FYB1: variants seen among roughly 807,000 people sequenced by gnomAD.
The protein encoded by FYB1 is FYN-binding protein 1.
FYB1 carries 41 observed loss-of-function variants against 94.1 expected under a neutral mutation model. The ratio of observed to expected loss-of-function variants is 0.44; its 90% confidence interval spans 0.34 to 0.57. The LOEUF is 0.57. FYB1 is among the 20% of genes least tolerant of loss of function. The pLI, the probability that FYB1 is intolerant of heterozygous loss-of-function variation, is 0.02. For missense variants in FYB1, 1,050 were observed against 976.8 expected, an observed-to-expected ratio of 1.07 and a Z score of -1.00; for synonymous variants, 367 against 353.2, an observed-to-expected ratio of 1.04 and a Z score of -0.44.
At chr5:39,261,236 A>G (rs142602367) in intron 1 of FYB1, among the ~76,000 whole-genome samples, 86 of 151,646 alleles carry the variant, frequency 5.7e-4, no homozygotes, top group African/African-American at 2.0e-3. Context: ...GCAAACCACC[A>G]TGGCACACAT....
chr5:39,134,264 A>G lies in FYB1; in HGVS notation c.1761T>C (p.Pro587=). The G allele has an allele frequency of 6.2e-7, 1 of 1,610,626 alleles. No individual in the cohort carries two copies. Among genetic ancestry groups the G allele is most frequent in the South Asian group, 1.1e-5 (1 of 90,998 alleles). The change falls in exon 9 of 19, where the codon CCT becomes CCC. Residue 587 remains proline, a synonymous_variant. Coordinates refer to ENST00000512982, the MANE Select transcript of FYB1 (RefSeq NM_001465.6). The part of the protein sequence containing the change: ...KKDSLGAPSR[P]IEDDQEVYDD... ...CATATACTTCTTGGTCATCTTCAAT[A>G]GGTCTTGAAGGGGCACCAAGAGAGT...
intron 1 of FYB1, among the ~76,000 whole-genome samples, chr5:39,230,326 T>G (rs1233917087): frequency 6.6e-6 from 1 of 152,048 alleles, no homozygotes; most frequent in East Asian, 1.9e-4. Context: ...CAAGCTGAAA[T>G]AAGGCCATGA....
intron 1 of FYB1, among the ~76,000 whole-genome samples, chr5:39,206,524 T>A (rs193090951): frequency 7.9e-5 from 12 of 152,314 alleles, no homozygotes; most frequent in Non-Finnish European, 1.3e-4. Context: ...TAAAAAAGGG[T>A]AGGGGTAATA....
At chr5:39,246,482 C>T (rs572696536) in intron 1 of FYB1, among the ~76,000 whole-genome samples, 116 of 152,240 alleles carry the variant, frequency 7.6e-4, no homozygotes, top group Non-Finnish European at 1.5e-3. Flanking sequence ...TAACAGCATC[C>T]TAAATGTTCT....
chr5:39,142,406 T>A (rs1742271902), intron 3 of FYB1, among the ~76,000 whole-genome samples: 1 of 152,170 alleles, frequency 6.6e-6, no homozygotes, highest in African/African-American at 2.4e-5. Flanking sequence ...TCTGCAGTTA[T>A]ACTCATCCTT....
At chr5:39,236,826 G>C (rs1242164835) in intron 1 of FYB1, among the ~76,000 whole-genome samples, 1 of 152,088 alleles carries the variant, frequency 6.6e-6, no homozygotes, top group Non-Finnish European at 1.5e-5. Flanking sequence ...TGCTTGACCT[G>C]AGTTTCAATG....
At chr5:39,161,553 A>T (rs1744246275) in intron 2 of FYB1, among the ~76,000 whole-genome samples, 1 of 151,776 alleles carries the variant, frequency 6.6e-6, no homozygotes, top group African/African-American at 2.4e-5. Flanking sequence ...TAATTTTAAA[A>T]AGATGTTATA....
intron 1 of FYB1, among the ~76,000 whole-genome samples, chr5:39,215,537 T>C (rs1214560800): frequency 6.6e-6 from 1 of 152,154 alleles, no homozygotes; most frequent in Non-Finnish European, 1.5e-5. Context: ...TTGGGGAGAC[T>C]CACCAGCCCA....
intron 1 of FYB1, chr5:39,270,933 T>TGC (rs2111776587): frequency 5.1e-6 from 1 of 195,314 alleles, no homozygotes; most frequent in South Asian, 1.8e-4. Context: ...CATATGTGTG[T>TGC]GTGTGTGTGT....
chr5:39,266,665 G>C lies in FYB1; in HGVS notation c.-28+7738C>G, dbSNP rs1752448763. On this transcript the variant is annotated intron_variant, in intron 1 of 1. Coordinates refer to the FYB1 transcript ENST00000510188. ...TGACACAGCAGATGAGCTTGGGGTG[G>C]AGAAGGGAGTTATGTAGTCATTAAG... 2.0e-5 allele frequency among the ~76,000 whole-genome samples: 3 copies of C among 152,170 alleles called. No homozygotes were observed. In the South Asian group the frequency reaches 6.2e-4, roughly 32 times the overall value.
intron 4 of FYB1, chr5:39,140,164 A>C (rs1004971520): frequency 6.6e-6 from 1 of 152,250 alleles, no homozygotes; most frequent in Non-Finnish European, 1.5e-5. Flanking sequence ...ATTTACATTC[A>C]ATGAAGGACA....
At chr5:39,152,086 T>A (rs62358706) in intron 3 of FYB1, among the ~76,000 whole-genome samples, 13,783 of 53,244 alleles carry the variant, frequency 0.26, 842 homozygotes, top group South Asian at 0.34. Flanking sequence ...ACTATACATA[T>A]TTTCCCTTTT....
intron 1 of FYB1, among the ~76,000 whole-genome samples, chr5:39,267,085 T>C (rs960135597): frequency 4.6e-5 from 7 of 152,176 alleles, no homozygotes; most frequent in Admixed American, 6.5e-5. Context: ...AAGACTCAGT[T>C]TACTCAACTA....
chr5:39,108,403 A>G lies in FYB1; in HGVS notation c.2436-141T>C. The G allele has an allele frequency of 7.2e-6, 5 of 691,574 alleles. No homozygotes were observed. In the South Asian group the frequency reaches 1.3e-4, roughly 17 times the overall value. The allele number at this position is 691,574 out of a possible 1,614,324, so 42.8% of individuals were successfully genotyped here. A position where few individuals can be genotyped will look rare whatever the true frequency, so the allele number is the denominator to read the frequency against. On this transcript the variant is annotated intron_variant, in intron 17 of 18. Transcript: ENST00000512982. ...GCATAGTATGCATTTATAAGTAGAA[A>G]TAAATTTGATATTCATTATCTCTTC... is the stretch of plus-strand genomic sequence containing the variant.
chr5:39,194,043 T>C (rs937308620), intron 2 of FYB1, among the ~76,000 whole-genome samples: 1 of 152,208 alleles, frequency 6.6e-6, no homozygotes, highest in African/African-American at 2.4e-5. Context: ...AGAATACTGA[T>C]AAAATGATTG....
At chr5:39,222,403 C>G (rs960255752), upstream of FYB1, among the ~76,000 whole-genome samples, 2 of 152,172 alleles carry the variant, frequency 1.3e-5, no homozygotes, top group African/African-American at 4.8e-5. Flanking sequence ...AGGGCAGCTT[C>G]CTGGTTTGTG....
Position 39,232,548 on chromosome 5 carries a change from T to TTTAC in FYB1, c.-27-29562_-27-29561insGTAA, listed in dbSNP as rs1491453599. Reference sequence around the variant, plus strand: ...TTTTATTTATTTATTTATTTATTTATTTTTTATTTATTTTTTTTGCTTTTT... The same window carrying TTTAC: ...TTTTATTTATTTATTTATTTATTTATTTACTTTTTATTTATTTTTTTTGCTTTTT... On this transcript the variant is annotated intron_variant, in intron 1 of 1. Transcript: ENST00000510188. Among the ~76,000 whole-genome samples, 85 of 148,188 alleles carry TTTAC rather than the reference T, an allele frequency of 5.7e-4. 11 individuals are homozygous for TTTAC. Among genetic ancestry groups the TTTAC allele is most frequent in the Admixed American group, 2.6e-4 (4 of 15,124 alleles).
intron 1 of FYB1, among the ~76,000 whole-genome samples, chr5:39,236,120 A>G (rs983901498): frequency 6.6e-6 from 1 of 151,912 alleles, no homozygotes; most frequent in Admixed American, 6.6e-5. Context: ...GTGCCACAAG[A>G]TTTTAAAAGG....
At chr5:39,174,666 G>T (rs1467332438) in intron 2 of FYB1, among the ~76,000 whole-genome samples, 1 of 152,152 alleles carries the variant, frequency 6.6e-6, no homozygotes, top group Non-Finnish European at 1.5e-5. Context: ...CTAAAATCCT[G>T]TTTTTCTTCT....
Sources: gnomAD v4.1 joint callset for allele counts (sites outside exome capture counted in the v4.1 genomes callset) on GRCh38, gnomAD v4.1.1 for gene constraint, MANE v1.5 for transcripts, NCBI Gene and HGNC (gene_info 2026-07-23, HGNC 2026-07-21) for gene names.